LCP1: variants seen among roughly 807,000 people sequenced by gnomAD.
LCP1 encodes lymphocyte cytosolic protein 1.
Under a neutral mutation model 72.0 loss-of-function variants are expected in LCP1, and 23 were observed. The ratio of observed to expected loss-of-function variants is 0.32; its 90% CI spans 0.23 to 0.45. The LOEUF (loss-of-function observed/expected upper bound fraction) is 0.45, where lower values mean the gene tolerates loss of function less well. Among genes scored for constraint, LCP1 ranks in the 20% least tolerant of loss-of-function variants. LCP1 has a pLI of 1.00. For synonymous variants in LCP1, 245 were observed against 275.4 expected, an observed-to-expected ratio of 0.89 and a Z score of 1.09; for missense variants, 571 against 748.3, an observed-to-expected ratio of 0.76 and a Z score of 2.76.
intron 1 of LCP1, among the ~76,000 whole-genome samples, chr13:46,180,929 G>A (rs2045952988): frequency 6.6e-6 from 1 of 152,204 alleles, no homozygotes; most frequent in African/African-American, 2.4e-5. Flanking sequence ...CAGGTGAGAT[G>A]TGCAAAGTAA....
intron 14 of LCP1, among the ~76,000 whole-genome samples, chr13:46,132,418 T>C (rs2045639658): frequency 6.6e-6 from 1 of 152,180 alleles, no homozygotes; most frequent in Non-Finnish European, 1.5e-5. Context: ...TCCTCCCATT[T>C]GTGGACCATC....
At chr13:46,164,453 C>G (rs957994567) in intron 1 of LCP1, among the ~76,000 whole-genome samples, 3 of 151,992 alleles carry the variant, frequency 2.0e-5, no homozygotes, top group African/African-American at 7.3e-5. Context: ...AGATGAAAAG[C>G]CTTGAGCATC....
At chr13:46,162,303 C>T (rs571937350) in intron 1 of LCP1, among the ~76,000 whole-genome samples, 1 of 140,826 alleles carries the variant, frequency 7.1e-6, no homozygotes, top group Non-Finnish European at 1.5e-5. Context: ...TCCCTCAACC[C>T]ACGGTCTCCC....
intron 12 of LCP1, chr13:46,142,817 A>G: frequency 2.2e-6 from 1 of 462,904 alleles, no homozygotes. Context: ...TGGACATGTG[A>G]ACAGATATTC....
chr13:46,154,947 T>C, intron 5 of LCP1, 61 bp from the exon 6 acceptor site: 1 of 1,295,894 alleles, frequency 7.7e-7, no homozygotes, highest in East Asian at 2.3e-5. Context: ...CCCAGTAACG[T>C]TGAATTTAAA....
At chr13:46,130,090 G>A (rs1417280779) in intron 15 of LCP1, among the ~76,000 whole-genome samples, 1 of 152,238 alleles carries the variant, frequency 6.6e-6, no homozygotes, top group Non-Finnish European at 1.5e-5. Context: ...AACTGTGAGA[G>A]AAGAAACTTC....
chr13:46,175,039 A>G lies in LCP1; in HGVS notation c.-25+7072T>C, dbSNP rs373275900. 2.6e-5 allele frequency among the ~76,000 whole-genome samples: 4 copies of G among 152,280 alleles called. No homozygotes were observed. The East Asian group carries it at 7.7e-4, about 29-fold the overall frequency. The stretch of plus-strand genomic sequence containing the variant: ...AAAATGAGAGAGAGGAAAGGTGTGA[A>G]TCTTGACTCTGCCAGTTACTGGTTC... On this transcript the variant is annotated intron_variant, in intron 1 of 15. Coordinates refer to ENST00000323076, the MANE Select transcript of LCP1 (RefSeq NM_002298.5).
At chr13:46,161,094 TATATCAGTGGTTTC>T (rs1267655281) in intron 1 of LCP1, among the ~76,000 whole-genome samples, 1 of 152,130 alleles carries the variant, frequency 6.6e-6, no homozygotes, top group Non-Finnish European at 1.5e-5. Flanking sequence ...GCCACATACA[TATATCAGTGGTTTC>T]AAACTTTTGT....
chr13:46,159,466 G>A, intron 2 of LCP1, 133 bp downstream of exon 2: 1 of 689,260 alleles, frequency 1.5e-6, no homozygotes, highest in Non-Finnish European at 2.5e-6. Flanking sequence ...AGTTCTCCCA[G>A]CTCCTCTAAA....
chr13:46,153,942 T>C (rs1253371641), intron 6 of LCP1, among the ~76,000 whole-genome samples: 1 of 152,206 alleles, frequency 6.6e-6, no homozygotes, highest in Non-Finnish European at 1.5e-5. Context: ...TATGTACTAT[T>C]CTTGAGTTTA....
At chr13:46,177,656 G>A (rs976645450) in intron 1 of LCP1, among the ~76,000 whole-genome samples, 2 of 152,052 alleles carry the variant, frequency 1.3e-5, no homozygotes, top group Non-Finnish European at 2.9e-5. Context: ...CCGAGATCGC[G>A]CCACTGCACT....
intron 1 of LCP1, among the ~76,000 whole-genome samples, chr13:46,174,074 T>C (rs17704093): frequency 0.16 from 24,938 of 151,298 alleles, 2,246 homozygotes; most frequent in South Asian, 0.26. Context: ...ATTTTTACCA[T>C]TGTAGTCTGA....
intron 7 of LCP1, among the ~76,000 whole-genome samples, chr13:46,152,552 A>G (rs577928804): frequency 6.6e-6 from 1 of 152,334 alleles, no homozygotes; most frequent in Admixed American, 6.5e-5. Flanking sequence ...ACTGAGCCCT[A>G]TGCTCCAAAC....
chr13:46,147,602 C>T (rs1050644185), intron 9 of LCP1, among the ~76,000 whole-genome samples: 7 of 152,076 alleles, frequency 4.6e-5, no homozygotes, highest in Non-Finnish European at 7.4e-5. Flanking sequence ...ATACTTGCAA[C>T]CCAAATAAAA....
At chr13:46,128,506 G>C (rs919472462) in intron 15 of LCP1, among the ~76,000 whole-genome samples, 2 of 152,190 alleles carry the variant, frequency 1.3e-5, no homozygotes, top group Admixed American at 1.3e-4. Flanking sequence ...GCTGAGGCAG[G>C]AGAATCGCTT....
intron 14 of LCP1, 45 bp from the exon 15 acceptor site, chr13:46,130,983 T>C: frequency 6.5e-7 from 1 of 1,538,796 alleles, no homozygotes; most frequent in Non-Finnish European, 8.7e-7. Flanking sequence ...GTCCCAAAGT[T>C]ACTCCCATTC....
chr13:46,164,438 G>C (rs2138271903), intron 1 of LCP1, among the ~76,000 whole-genome samples: 1 of 152,216 alleles, frequency 6.6e-6, no homozygotes, highest in South Asian at 2.1e-4. Flanking sequence ...ACAGCAGGTA[G>C]GTCAAGATGA....
At chr13:46,156,981 C>T (rs1360764146) in intron 4 of LCP1, among the ~76,000 whole-genome samples, 1 of 151,766 alleles carries the variant, frequency 6.6e-6, no homozygotes, top group Non-Finnish European at 1.5e-5. Context: ...CCACAACACC[C>T]AGCTAATTTT....
At position 46,158,526 on chromosome 13, in the gene LCP1, A is replaced by G; in HGVS notation, c.354T>C (p.Tyr118=). 3.7e-6 allele frequency: 6 copies of G among 1,613,990 alleles called. No homozygotes were observed. Among genetic ancestry groups the G allele is most frequent in the Non-Finnish European group, 5.1e-6 (6 of 1,179,972 alleles). Residue 118 remains tyrosine (Y), a synonymous_variant, in exon 4 of 16, where the codon TAT becomes TAC. Transcript: ENST00000323076. ...CAACCCAGGAGTTGAGCCTACCTGAATAGGAGTGTTGGGTGCCAACGCTAG... is the reference window on the plus strand; with the variant it reads ...CAACCCAGGAGTTGAGCCTACCTGAGTAGGAGTGTTGGGTGCCAACGCTAG... ...EQSSVGTQHS[Y]SEEEKYAFVN...
Sources: allele counts gnomAD v4.1 joint callset (sites outside exome capture counted in the v4.1 genomes callset), GRCh38; gene constraint gnomAD v4.1.1; transcripts MANE v1.5; gene names NCBI Gene and HGNC (gene_info 2026-07-23, HGNC 2026-07-21).